The following NRXN3 variants were observed in gnomAD, a reference collection of about 807,000 sequenced individuals.
The protein encoded by NRXN3 is neurexin 3, also known as neurexin III.
In NRXN3, 32 loss-of-function variants were observed where a neutral mutation model predicts 137.6. The observed-to-expected ratio is 0.23, with a 90% CI of 0.18 to 0.31. The LOEUF (loss-of-function observed/expected upper bound fraction) is 0.31, where lower values mean the gene tolerates loss of function less well. Among genes scored for constraint, NRXN3 ranks in the 10% least tolerant of loss-of-function variants. The probability of loss-of-function intolerance (pLI) is 1.00; values close to 1 mark genes in which losing one functional copy is unlikely to be tolerated. For synonymous variants in NRXN3, 798 were observed against 784.5 expected (o/e 1.02, Z -0.29); for missense variants, 1,574 against 2,062.5 (o/e 0.76, Z 4.59).
intron 15 of NRXN3, among the ~76,000 whole-genome samples, chr14:79,408,354 C>A (rs2095353492): frequency 1.3e-5 from 2 of 152,096 alleles, no homozygotes; most frequent in African/African-American, 4.8e-5. Flanking sequence ...TAGGACGCAG[C>A]CCAACTAACT....
intron 16 of NRXN3, among the ~76,000 whole-genome samples, chr14:79,595,824 G>A (rs10144108): frequency 0.35 from 53,743 of 151,982 alleles, 10,096 homozygotes; most frequent in African/African-American, 0.48. Flanking sequence ...TTGGAAATTC[G>A]TAATTGCATA....
intron 15 of NRXN3, among the ~76,000 whole-genome samples, chr14:79,367,935 C>T (rs2093954944): frequency 6.6e-6 from 1 of 152,078 alleles, no homozygotes; most frequent in African/African-American, 2.4e-5. Context: ...ACTCTTGGAG[C>T]TTCTGAAACG....
At chr14:78,948,595 A>G (rs958058634) in intron 10 of NRXN3, among the ~76,000 whole-genome samples, 1 of 144,504 alleles carries the variant, frequency 6.9e-6, no homozygotes, top group Non-Finnish European at 1.5e-5. Context: ...GATATTTTTC[A>G]TACTCACTTT....
At chr14:78,178,436 G>T (rs183003957) in intron 1 of NRXN3, among the ~76,000 whole-genome samples, 2 of 152,314 alleles carry the variant, frequency 1.3e-5, no homozygotes, top group African/African-American at 2.4e-5. Flanking sequence ...GTTTCCCAAG[G>T]TGTCCCCGTT....
At chr14:79,547,169 T>G (rs897209806) in intron 16 of NRXN3, among the ~76,000 whole-genome samples, 66 of 152,126 alleles carry the variant, frequency 4.3e-4, no homozygotes, top group African/African-American at 1.6e-3. Flanking sequence ...CCATGAGAAA[T>G]TAAATAACCT....
chr14:78,648,703 C>T (rs2097710324), intron 5 of NRXN3, among the ~76,000 whole-genome samples: 1 of 152,128 alleles, frequency 6.6e-6, no homozygotes. Context: ...TAAGTTTTTT[C>T]CTTTTTGGGA....
chr14:78,292,860 A>G (rs1352303334), intron 3 of NRXN3, among the ~76,000 whole-genome samples: 1 of 152,166 alleles, frequency 6.6e-6, no homozygotes, highest in African/African-American at 2.4e-5. Context: ...AAAACCAGCC[A>G]GGGTGCTTGT....
rs76465589 is a variant in NRXN3 at position 78,640,941 on chromosome 14, C to T, written c.758-4179C>T. ...TGTCAGTGCCTCCTCTCTTGCCAAG[C>T]TATAGTTTTATGCTAAGCTGTTGTG... On this transcript the variant is annotated intron_variant, in intron 4 of 20. Transcript: ENST00000335750. 3.8e-3 allele frequency among the ~76,000 whole-genome samples: 574 copies of T among 152,296 alleles called. 5 individuals are homozygous for T. The highest frequency in any genetic ancestry group is 0.013 in the African/African-American group (524 of 41,584).
chr14:79,521,404 GCT>G (rs1601590888), intron 16 of NRXN3, among the ~76,000 whole-genome samples: 2 of 152,096 alleles, frequency 1.3e-5, no homozygotes, highest in South Asian at 2.1e-4. Context: ...CACACTCAGG[GCT>G]TTTGGATAGA....
chr14:78,624,869 T>C (rs995476229), intron 4 of NRXN3, among the ~76,000 whole-genome samples: 5 of 151,670 alleles, frequency 3.3e-5, no homozygotes, highest in African/African-American at 9.7e-5. Context: ...TGAGAAGGAG[T>C]CTCGCTGTGT....
rs529424091 is a variant in NRXN3, at chr14:79,364,908, C to T, written c.3263-102313C>T. Among the ~76,000 whole-genome samples, 3 of 152,156 alleles carry T rather than the reference C, an allele frequency of 2.0e-5. No individual in the cohort carries two copies. The East Asian group carries it at 5.8e-4, about 29-fold the overall frequency. Reference sequence around the variant, plus strand: ...AATATGAGTGCCCCTACTTACTATTCAAAAATCCCCAAAACCAGCACTCTT... The same window carrying T: ...AATATGAGTGCCCCTACTTACTATTTAAAAATCCCCAAAACCAGCACTCTT... On this transcript the variant is annotated intron_variant, in intron 15 of 20. Coordinates refer to ENST00000335750, the MANE Select transcript of NRXN3 (RefSeq NM_001330195.2).
chr14:79,480,970 T>G (rs1242822840), intron 16 of NRXN3, among the ~76,000 whole-genome samples: 1 of 152,098 alleles, frequency 6.6e-6, no homozygotes, highest in East Asian at 1.9e-4. Context: ...AATTACCCAC[T>G]CTCAGGTATT....
At chr14:79,417,044 A>T (rs1253696577) in intron 15 of NRXN3, among the ~76,000 whole-genome samples, 6 of 152,228 alleles carry the variant, frequency 3.9e-5, no homozygotes, top group African/African-American at 2.4e-5. Flanking sequence ...AGTGAGAAAG[A>T]TCTGGAAACT....
intron 15 of NRXN3, among the ~76,000 whole-genome samples, chr14:79,216,349 T>G (rs998108708): frequency 6.6e-6 from 1 of 152,126 alleles, no homozygotes; most frequent in South Asian, 2.1e-4. Context: ...TTCTGACCTA[T>G]CCTCTGGAGG....
At chr14:78,873,685 G>A (rs918924684) in intron 10 of NRXN3, among the ~76,000 whole-genome samples, 1 of 152,136 alleles carries the variant, frequency 6.6e-6, no homozygotes, top group Non-Finnish European at 1.5e-5. Context: ...ATAAAGAGAT[G>A]GTTCGTATGA....
intron 15 of NRXN3, among the ~76,000 whole-genome samples, chr14:79,309,892 C>T (rs1379172793): frequency 9.1e-6 from 1 of 109,620 alleles, no homozygotes; most frequent in East Asian, 3.0e-4. Context: ...TGCCTGTTCA[C>T]TCTGATGGTA....
chr14:78,960,352 T>C (rs1220890533), intron 11 of NRXN3, among the ~76,000 whole-genome samples: 3 of 152,220 alleles, frequency 2.0e-5, no homozygotes, highest in South Asian at 2.1e-4. Flanking sequence ...GAAACTAAAA[T>C]ACCCACAGTC....
At chr14:78,916,655 G>A (rs2099256193) in intron 10 of NRXN3, among the ~76,000 whole-genome samples, 1 of 152,288 alleles carries the variant, frequency 6.6e-6, no homozygotes, top group East Asian at 1.9e-4. Context: ...CATGTGGTGG[G>A]GAATTTGAGT....
rs781622003 is a variant in NRXN3 at position 78,968,169 on chromosome 14, C to A, written c.2969-4C>A. ...TCTCTTTTGCTAATTACTTTCCTTT[C>A]CAGGTGATCTCTATATGGCTGGTCT... On this transcript the variant is annotated splice_region_variant and splice_polypyrimidine_tract_variant and intron_variant, in intron 13 of 20. Coordinates refer to ENST00000335750, the MANE Select transcript of NRXN3 (RefSeq NM_001330195.2). 9 of 1,577,536 alleles carry A rather than the reference C, an allele frequency of 5.7e-6. No homozygotes were observed. Among genetic ancestry groups the A allele is most frequent in the Non-Finnish European group, 7.8e-6 (9 of 1,156,802 alleles).
Sources: allele counts gnomAD v4.1 joint callset (sites outside exome capture counted in the v4.1 genomes callset), GRCh38; gene constraint gnomAD v4.1.1; transcripts MANE v1.5; gene names NCBI Gene and HGNC (gene_info 2026-07-23, HGNC 2026-07-21).